Variants in KCNH7 observed in about 807,000 individuals in gnomAD.
The protein encoded by KCNH7 is voltage-gated inwardly rectifying potassium channel KCNH7.
In KCNH7, 49 loss-of-function variants were observed where a neutral mutation model predicts 120.8. The ratio of observed to expected loss-of-function variants is 0.41; its 90% CI spans 0.32 to 0.51. KCNH7 has a LOEUF of 0.51. KCNH7 is among the 20% of genes least tolerant of loss of function. The pLI is 0.38. For synonymous variants in KCNH7, 547 were observed against 516.1 expected (o/e 1.06, Z -0.81); for missense variants, 1,097 against 1,446.6 (o/e 0.76, Z 3.92).
intron 2 of KCNH7, among the ~76,000 whole-genome samples, chr2:162,599,192 G>A (rs1404217114): frequency 3.3e-5 from 5 of 151,688 alleles, no homozygotes; most frequent in Admixed American, 6.6e-5. Flanking sequence ...GCAACAGAGC[G>A]AGACTCTGTC....
At chr2:162,816,823 G>C (rs1396140776) in intron 2 of KCNH7, among the ~76,000 whole-genome samples, 1 of 152,006 alleles carries the variant, frequency 6.6e-6, no homozygotes. Context: ...TACTATATCA[G>C]GATATTTCTA....
chr2:162,473,369 G>T (rs1163780491), intron 6 of KCNH7, among the ~76,000 whole-genome samples: 1 of 152,152 alleles, frequency 6.6e-6, no homozygotes, highest in East Asian at 1.9e-4. Context: ...ATAACAGAAA[G>T]TCAGGGAAAG....
intron 2 of KCNH7, among the ~76,000 whole-genome samples, chr2:162,813,423 G>T (rs1247501475): frequency 1.3e-5 from 2 of 152,196 alleles, no homozygotes; most frequent in Non-Finnish European, 2.9e-5. Flanking sequence ...ATTAGAGGAG[G>T]TGTAAAATAC....
rs529526399 is a variant in KCNH7, at chr2:162,532,417, C to T, written c.463+4508G>A. ...GGGGCTTAAAAAGTGCACAAGACCCCAGATACCAGAGTCACTTACAATGGA... is the reference window on the plus strand; with the variant it reads ...GGGGCTTAAAAAGTGCACAAGACCCTAGATACCAGAGTCACTTACAATGGA... On this transcript the variant is annotated intron_variant, in intron 3 of 15. Coordinates refer to ENST00000332142, the MANE Select transcript of KCNH7 (RefSeq NM_033272.4). Among the ~76,000 whole-genome samples the T allele has an allele frequency of 7.2e-5, 11 of 151,970 alleles. No individual in the cohort carries two copies. In the South Asian group the frequency reaches 1.9e-3, roughly 26 times the overall value.
intron 11 of KCNH7, among the ~76,000 whole-genome samples, chr2:162,395,349 T>C (rs939224829): frequency 1.5e-4 from 22 of 151,718 alleles, no homozygotes; most frequent in African/African-American, 4.6e-4. Context: ...TTAAATGACA[T>C]GGTAATTATC....
chr2:162,538,170 A>G (rs1472681639), intron 2 of KCNH7: 2 of 152,110 alleles, frequency 1.3e-5, no homozygotes, highest in Non-Finnish European at 2.9e-5. Context: ...ATGGCTTTGA[A>G]TGTGGCCCAA....
chr2:162,726,759 T>A (rs1687541280), intron 2 of KCNH7, among the ~76,000 whole-genome samples: 1 of 152,078 alleles, frequency 6.6e-6, no homozygotes, highest in African/African-American at 2.4e-5. Context: ...CCATTTTTGG[T>A]GTGTGGAAGG....
At chr2:162,412,944 G>A (rs548863525) in intron 9 of KCNH7, among the ~76,000 whole-genome samples, 1 of 152,160 alleles carries the variant, frequency 6.6e-6, no homozygotes, top group Non-Finnish European at 1.5e-5. Context: ...TTAACAATCT[G>A]ATCTTTGGTT....
At chr2:162,578,779 T>G (rs1693770688) in intron 2 of KCNH7, among the ~76,000 whole-genome samples, 1 of 151,980 alleles carries the variant, frequency 6.6e-6, no homozygotes, top group East Asian at 1.9e-4. Flanking sequence ...GTGGGACCTA[T>G]TTCCCTTGAT....
At chr2:162,401,110 AG>A (rs1472526487) in intron 9 of KCNH7, among the ~76,000 whole-genome samples, 2 of 151,948 alleles carry the variant, frequency 1.3e-5, no homozygotes, top group Non-Finnish European at 2.9e-5. Context: ...CAGAATTTGC[AG>A]TGCATACATA....
chr2:162,395,560 G>A (rs2105435385), intron 11 of KCNH7, among the ~76,000 whole-genome samples: 1 of 151,694 alleles, frequency 6.6e-6, no homozygotes, highest in Non-Finnish European at 1.5e-5. Flanking sequence ...AGTTATGAGA[G>A]GTAGATATTT....
chr2:162,820,615 TTTTCTTTC>T (rs765337630), intron 2 of KCNH7, among the ~76,000 whole-genome samples: 1 of 152,102 alleles, frequency 6.6e-6, no homozygotes, highest in African/African-American at 2.4e-5. Flanking sequence ...CTAACTTGTG[TTTTCTTTC>T]TTTCTTTCTT....
intron 2 of KCNH7, among the ~76,000 whole-genome samples, chr2:162,580,657 C>A (rs1693835882): frequency 6.6e-6 from 1 of 151,956 alleles, no homozygotes; most frequent in Non-Finnish European, 1.5e-5. Context: ...CCTGGATGAG[C>A]AATTAATTAT....
chr2:162,766,393 A>G lies in KCNH7; in HGVS notation c.307+70144T>C, dbSNP rs151171640. Among the ~76,000 whole-genome samples, 27 of 152,294 alleles carry G rather than the reference A, an allele frequency of 1.8e-4. No individual in the cohort carries two copies. The East Asian group carries it at 3.9e-3, about 22-fold the overall frequency. On this transcript the variant is annotated intron_variant, in intron 2 of 15. Transcript: ENST00000332142. ...TTGTGAAAGACCTAGTTATCAGTGA[A>G]AAGAAGGTCTAAAACATGGCAATAG... is the stretch of plus-strand genomic sequence containing the variant.
intron 6 of KCNH7, among the ~76,000 whole-genome samples, chr2:162,460,668 G>A (rs1196385753): frequency 6.6e-6 from 1 of 152,152 alleles, no homozygotes; most frequent in Non-Finnish European, 1.5e-5. Context: ...CAGAGAGACC[G>A]TATGGCTCTG....
chr2:162,645,816 T>C (rs1684338776), intron 2 of KCNH7, among the ~76,000 whole-genome samples: 1 of 152,188 alleles, frequency 6.6e-6, no homozygotes, highest in Admixed American at 6.5e-5. Flanking sequence ...TGAGAGTTTC[T>C]GGTAACACCC....
At chr2:162,666,105 G>A (rs1321130874) in intron 2 of KCNH7, among the ~76,000 whole-genome samples, 1 of 152,098 alleles carries the variant, frequency 6.6e-6, no homozygotes, top group African/African-American at 2.4e-5. Flanking sequence ...CTTAGAATGA[G>A]TTTAGGAGTT....
intron 2 of KCNH7, among the ~76,000 whole-genome samples, chr2:162,776,798 T>A (rs1299008522): frequency 6.6e-6 from 1 of 152,214 alleles, no homozygotes; most frequent in African/African-American, 2.4e-5. Flanking sequence ...ATATTAGGTA[T>A]ATTTCTGCTT....
At chr2:162,803,475 A>G (rs916494764) in intron 2 of KCNH7, among the ~76,000 whole-genome samples, 2 of 151,778 alleles carry the variant, frequency 1.3e-5, no homozygotes, top group Non-Finnish European at 3.0e-5. Flanking sequence ...ACAGATGAGG[A>G]AAGTGACACT....
Sources: gnomAD v4.1 joint callset for allele counts (sites outside exome capture counted in the v4.1 genomes callset) on GRCh38, gnomAD v4.1.1 for gene constraint, MANE v1.5 for transcripts, NCBI Gene and HGNC (gene_info 2026-07-23, HGNC 2026-07-21) for gene names.